The following NMNAT2 variants were observed in gnomAD, a reference collection of about 807,000 sequenced individuals.
The protein encoded by NMNAT2 is nicotinamide/nicotinic acid mononucleotide adenylyltransferase 2.
Under a neutral mutation model 41.6 loss-of-function variants are expected in NMNAT2, and 11 were observed. The ratio of observed to expected loss-of-function variants is 0.26; its 90% CI spans 0.17 to 0.44. The LOEUF (loss-of-function observed/expected upper bound fraction) is 0.44, where lower values mean the gene tolerates loss of function less well. Ranked by LOEUF, NMNAT2 falls within the 20% of genes least tolerant of loss-of-function variation. NMNAT2 has a pLI of 1.00. For synonymous variants in NMNAT2, 148 were observed against 151.2 expected (o/e 0.98, Z 0.16); for missense variants, 288 against 407.7 (o/e 0.71, Z 2.53).
chr1:183,297,693 C>A (rs1661741316), intron 1 of NMNAT2, among the ~76,000 whole-genome samples: 1 of 152,106 alleles, frequency 6.6e-6, no homozygotes, highest in Admixed American at 6.5e-5. Context: ...GGAAAGAACA[C>A]TTTTCAATTT....
intron 1 of NMNAT2, among the ~76,000 whole-genome samples, chr1:183,341,895 T>C (rs1205213205): frequency 6.6e-6 from 1 of 152,008 alleles, no homozygotes; most frequent in African/African-American, 2.4e-5. Context: ...GAATCTGTGC[T>C]CCATTCTTTC....
intron 2 of NMNAT2, among the ~76,000 whole-genome samples, chr1:183,293,204 A>T (rs1001552372): frequency 6.6e-6 from 1 of 152,186 alleles, no homozygotes; most frequent in Non-Finnish European, 1.5e-5. Flanking sequence ...GTTTCCCCAG[A>T]GCCCACCAAG....
chr1:183,279,299 T>C (rs1426258960), intron 7 of NMNAT2, among the ~76,000 whole-genome samples: 2 of 152,232 alleles, frequency 1.3e-5, no homozygotes, highest in African/African-American at 2.4e-5. Flanking sequence ...GTGAGGCCCA[T>C]TGTTGTTTAA....
At chr1:183,387,900 G>T (rs913207151) in intron 1 of NMNAT2, among the ~76,000 whole-genome samples, 1 of 152,242 alleles carries the variant, frequency 6.6e-6, no homozygotes, top group Admixed American at 6.5e-5. Context: ...TTCTCAGTCG[G>T]GTGGTCTTAA....
At chr1:183,410,057 T>G (rs1649072313) in intron 1 of NMNAT2, among the ~76,000 whole-genome samples, 2 of 151,606 alleles carry the variant, frequency 1.3e-5, no homozygotes, top group Admixed American at 1.3e-4. Flanking sequence ...CCCTGCAATC[T>G]CAGCACTTTG....
chr1:183,380,998 G>A (rs1373014969), intron 1 of NMNAT2, among the ~76,000 whole-genome samples: 1 of 152,146 alleles, frequency 6.6e-6, no homozygotes, highest in African/African-American at 2.4e-5. Flanking sequence ...GGGCCTGGAG[G>A]TAGAGGGGCC....
intron 3 of NMNAT2, among the ~76,000 whole-genome samples, chr1:183,291,490 C>T (rs1661539763): frequency 6.6e-6 from 1 of 152,218 alleles, no homozygotes; most frequent in Non-Finnish European, 1.5e-5. Context: ...AACCCCATCT[C>T]TAGAGGCAGC....
intron 8 of NMNAT2, among the ~76,000 whole-genome samples, chr1:183,264,941 C>CA (rs1660768911): frequency 6.6e-6 from 1 of 152,148 alleles, no homozygotes; most frequent in Non-Finnish European, 1.5e-5. Flanking sequence ...TGGATTCCCC[C>CA]AAGCCTCAGT....
chr1:183,393,943 A>G (rs903166074), intron 1 of NMNAT2, among the ~76,000 whole-genome samples: 1 of 152,228 alleles, frequency 6.6e-6, no homozygotes, highest in Non-Finnish European at 1.5e-5. Flanking sequence ...TCAGGACAAC[A>G]CAAACTGGGA....
intron 8 of NMNAT2, among the ~76,000 whole-genome samples, chr1:183,264,465 G>A (rs910491451): frequency 6.6e-6 from 1 of 152,036 alleles, no homozygotes; most frequent in Admixed American, 6.6e-5. Context: ...GAGGGAGACA[G>A]GATCTATGAG....
chr1:183,258,780 T>G (rs1474384461), intron 10 of NMNAT2, among the ~76,000 whole-genome samples: 1 of 152,022 alleles, frequency 6.6e-6, no homozygotes, highest in Non-Finnish European at 1.5e-5. Flanking sequence ...CTTATTTGAA[T>G]TTGCGGCCCC....
At chr1:183,403,317 A>G (rs960280902) in intron 1 of NMNAT2, among the ~76,000 whole-genome samples, 1 of 152,224 alleles carries the variant, frequency 6.6e-6, no homozygotes, top group Non-Finnish European at 1.5e-5. Context: ...ATTTCTTTAA[A>G]CAAACAAAAA....
intron 1 of NMNAT2, among the ~76,000 whole-genome samples, chr1:183,317,956 C>T (rs1662288110): frequency 6.6e-6 from 1 of 152,222 alleles, no homozygotes; most frequent in Non-Finnish European, 1.5e-5. Flanking sequence ...CACTGTGAGA[C>T]ACAAATACAC....
chr1:183,362,427 C>T (rs775982793), intron 1 of NMNAT2, among the ~76,000 whole-genome samples: 4 of 152,130 alleles, frequency 2.6e-5, no homozygotes, highest in African/African-American at 7.2e-5. Flanking sequence ...CATTCCCCAC[C>T]GCCCCCTGGC....
chr1:183,407,877 G>C (rs536290098), intron 1 of NMNAT2, among the ~76,000 whole-genome samples: 1 of 152,314 alleles, frequency 6.6e-6, no homozygotes, highest in South Asian at 2.1e-4. Context: ...AATGTGTTCT[G>C]AGAAAGTATA....
chr1:183,275,017 C>T (rs893068509), intron 8 of NMNAT2, among the ~76,000 whole-genome samples: 1 of 152,062 alleles, frequency 6.6e-6, no homozygotes, highest in Non-Finnish European at 1.5e-5. Context: ...CACGAGGCCT[C>T]CAGACTCAGC....
At chr1:183,291,456 A>G (rs1241159189) in intron 3 of NMNAT2, among the ~76,000 whole-genome samples, 3 of 152,130 alleles carry the variant, frequency 2.0e-5, no homozygotes, top group African/African-American at 4.8e-5. Flanking sequence ...ATGGGATCCC[A>G]GTGTCAGGCG....
rs571808344 is a variant in NMNAT2 at position 183,310,477 on chromosome 1, C to T, written c.86-16684G>A. 3.9e-5 allele frequency among the ~76,000 whole-genome samples: 6 copies of T among 152,268 alleles called. No individual in the cohort carries two copies. In the South Asian group the frequency reaches 1.2e-3, roughly 32 times the overall value. On this transcript the variant is annotated intron_variant, in intron 1 of 10. Coordinates refer to ENST00000287713, the MANE Select transcript of NMNAT2 (RefSeq NM_015039.4). ...TCAAATGCATCCAGCCTGCTCTGGT[C>T]CCTCTCATGTCTCCAGTGATTTCCC... is the stretch of plus-strand genomic sequence containing the variant.
chr1:183,252,379 T>A lies in NMNAT2; in HGVS notation c.*262A>T. On this transcript the variant is annotated 3_prime_UTR_variant, in exon 11 of 11. Transcript: ENST00000287713. ...ATGCTGGGAGACGGACACCAGTACATCTCCAAGGACTGCACTTCCCCCGAC... is the reference window on the plus strand; with the variant it reads ...ATGCTGGGAGACGGACACCAGTACAACTCCAAGGACTGCACTTCCCCCGAC... 1 of 485,736 alleles carries A rather than the reference T, an allele frequency of 2.1e-6. No individual in the cohort carries two copies. Among genetic ancestry groups the A allele is most frequent in the Non-Finnish European group, 3.8e-6 (1 of 265,804 alleles). The allele number at this position is 485,736 out of a possible 1,614,324, so 30.1% of individuals were successfully genotyped here. A position where few individuals can be genotyped will look rare whatever the true frequency, so the allele number is the denominator to read the frequency against.
Sources: gnomAD v4.1 joint callset for allele counts (sites outside exome capture counted in the v4.1 genomes callset) on GRCh38, gnomAD v4.1.1 for gene constraint, MANE v1.5 for transcripts, NCBI Gene and HGNC (gene_info 2026-07-23, HGNC 2026-07-21) for gene names.